RBFOX1: variants seen among roughly 807,000 people sequenced by gnomAD.
RBFOX1 encodes the protein RNA binding protein fox-1 homolog 1.
In RBFOX1, 8 loss-of-function variants were observed where a neutral mutation model predicts 57.7. The observed-to-expected ratio is 0.14, with a 90% confidence interval of 0.08 to 0.25. The LOEUF (loss-of-function observed/expected upper bound fraction) is 0.25. Among genes scored for constraint, RBFOX1 ranks in the 10% least tolerant of loss-of-function variants. The probability of loss-of-function intolerance (pLI) is 1.00; values close to 1 mark genes in which losing one functional copy is unlikely to be tolerated. For synonymous variants in RBFOX1, 326 were observed against 222.4 expected (o/e 1.47, Z -4.15); for missense variants, 611 against 548.5 (o/e 1.11, Z -1.14).
intron 3 of RBFOX1, among the ~76,000 whole-genome samples, chr16:6,766,510 C>A (rs544405356): frequency 6.6e-6 from 1 of 151,706 alleles, no homozygotes; most frequent in Non-Finnish European, 1.5e-5. Flanking sequence ...GAAAATATTC[C>A]GGAATAGCAC....
At chr16:5,775,147 A>G (rs1333135719) in intron 3 of RBFOX1, among the ~76,000 whole-genome samples, 1 of 152,288 alleles carries the variant, frequency 6.6e-6, no homozygotes, top group East Asian at 1.9e-4. Flanking sequence ...CACACCCCCA[A>G]ATCAGCTCAA....
chr16:5,881,820 A>G (rs1482056322), intron 4 of RBFOX1, among the ~76,000 whole-genome samples: 2 of 152,212 alleles, frequency 1.3e-5, no homozygotes, highest in Non-Finnish European at 2.9e-5. Flanking sequence ...TATTTTGCAG[A>G]AAGTAATAAT....
intron 4 of RBFOX1, among the ~76,000 whole-genome samples, chr16:7,345,468 T>A (rs1340838655): frequency 6.6e-6 from 1 of 152,202 alleles, no homozygotes; most frequent in Non-Finnish European, 1.5e-5. Context: ...TGAGCTGGGT[T>A]TTGTTTCACA....
chr16:6,596,705 A>G (rs1446785090), intron 2 of RBFOX1, among the ~76,000 whole-genome samples: 1 of 152,164 alleles, frequency 6.6e-6, no homozygotes, highest in Non-Finnish European at 1.5e-5. Flanking sequence ...GATTCTACCA[A>G]GTCTTTTGAA....
At chr16:6,557,770 G>A (rs561479100) in intron 2 of RBFOX1, among the ~76,000 whole-genome samples, 18 of 152,262 alleles carry the variant, frequency 1.2e-4, no homozygotes, top group East Asian at 3.9e-4. Context: ...AATTTCAGAC[G>A]GTTCCATGTC....
chr16:5,898,571 C>G (rs1486575832), intron 4 of RBFOX1, among the ~76,000 whole-genome samples: 2 of 150,334 alleles, frequency 1.3e-5, no homozygotes, highest in South Asian at 2.1e-4. Context: ...ATTTAATCCT[C>G]TCTACAATGA....
intron 2 of RBFOX1, among the ~76,000 whole-genome samples, chr16:6,560,416 T>A (rs577442297): frequency 1.3e-5 from 2 of 152,096 alleles, no homozygotes; most frequent in Non-Finnish European, 2.9e-5. Context: ...AGGTGACATT[T>A]TGGCATAAAG....
At chr16:5,718,851 G>C (rs760261325) in intron 3 of RBFOX1, among the ~76,000 whole-genome samples, 2 of 152,140 alleles carry the variant, frequency 1.3e-5, no homozygotes, top group South Asian at 2.1e-4. Context: ...TGAGGTCGCA[G>C]TGAGTGGAGA....
At chr16:6,259,309 CT>C (rs1415220505) in intron 1 of RBFOX1, among the ~76,000 whole-genome samples, 2 of 152,046 alleles carry the variant, frequency 1.3e-5, no homozygotes, top group Non-Finnish European at 2.9e-5. Flanking sequence ...TCTTTTCAGT[CT>C]CCCTCCTCTC....
chr16:7,453,962 A>G (rs1036607396), intron 4 of RBFOX1, among the ~76,000 whole-genome samples: 2 of 152,308 alleles, frequency 1.3e-5, no homozygotes, highest in African/African-American at 4.8e-5. Flanking sequence ...GCTGGGCACA[A>G]TGGCTCATGC....
chr16:6,942,271 C>G (rs1475922399), intron 3 of RBFOX1, among the ~76,000 whole-genome samples: 2 of 152,086 alleles, frequency 1.3e-5, no homozygotes, highest in African/African-American at 2.4e-5. Context: ...CCGAGTGAGA[C>G]TCCATCTCAC....
chr16:7,177,677 A>G (rs1459229337), intron 4 of RBFOX1, among the ~76,000 whole-genome samples: 2 of 152,122 alleles, frequency 1.3e-5, no homozygotes, highest in African/African-American at 4.8e-5. Flanking sequence ...CACTTCCACA[A>G]AATTCTAGGA....
At chr16:6,369,550 G>T (rs535432616) in intron 2 of RBFOX1, among the ~76,000 whole-genome samples, 2 of 152,120 alleles carry the variant, frequency 1.3e-5, no homozygotes, top group African/African-American at 4.8e-5. Flanking sequence ...AAAGTTGTTG[G>T]GAGTGAAGAG....
chr16:7,085,393 C>A (rs2059837975), intron 4 of RBFOX1, among the ~76,000 whole-genome samples: 1 of 152,080 alleles, frequency 6.6e-6, no homozygotes, highest in South Asian at 2.1e-4. Context: ...TATTTGAAAT[C>A]TCTTGGTTTT....
At chr16:6,203,688 A>C (rs1305853570) in intron 1 of RBFOX1, among the ~76,000 whole-genome samples, 1 of 152,218 alleles carries the variant, frequency 6.6e-6, no homozygotes, top group Admixed American at 6.5e-5. Context: ...CCCCCCAAAC[A>C]GATGATAACA....
At chr16:5,982,511 G>A (rs1409685893) in intron 4 of RBFOX1, among the ~76,000 whole-genome samples, 1 of 152,070 alleles carries the variant, frequency 6.6e-6, no homozygotes, top group Non-Finnish European at 1.5e-5. Flanking sequence ...CCTGACCTCA[G>A]GTGATCCGCC....
At chr16:7,392,686 C>G (rs555249610) in intron 4 of RBFOX1, among the ~76,000 whole-genome samples, 38 of 152,236 alleles carry the variant, frequency 2.5e-4, no homozygotes, top group African/African-American at 8.4e-4. Context: ...GTAGCATAAG[C>G]ACAAGGAATT....
intron 4 of RBFOX1, among the ~76,000 whole-genome samples, chr16:7,311,027 C>G (rs2096294108): frequency 1.3e-5 from 2 of 152,202 alleles, no homozygotes; most frequent in South Asian, 2.1e-4. Context: ...CTTCCGCTAC[C>G]TTGACCCAAT....
chr16:5,283,731 C>G (rs1011941683), intron 1 of RBFOX1, among the ~76,000 whole-genome samples: 7 of 152,154 alleles, frequency 4.6e-5, no homozygotes, highest in African/African-American at 1.7e-4. Flanking sequence ...TGCCTATACC[C>G]CCATTGTATC....
Sources: allele counts gnomAD v4.1 joint callset (sites outside exome capture counted in the v4.1 genomes callset), GRCh38; gene constraint gnomAD v4.1.1; transcripts MANE v1.5; gene names NCBI Gene and HGNC (gene_info 2026-07-23, HGNC 2026-07-21).